INTS4: variants seen among roughly 807,000 people sequenced by gnomAD.
INTS4 encodes the protein MSTP093.
A neutral mutation model predicts 119.5 loss-of-function variants in INTS4; 70 were observed. The observed-to-expected ratio is 0.59, with a 90% CI of 0.48 to 0.71. The LOEUF (loss-of-function observed/expected upper bound fraction) is 0.71. Among genes scored for constraint, INTS4 ranks in the 30% least tolerant of loss-of-function variants. The pLI, the probability that INTS4 is intolerant of heterozygous loss-of-function variation, is 0.00. For missense variants in INTS4, 867 were observed against 1,173.2 expected, an observed-to-expected ratio of 0.74 and a Z score of 3.81; for synonymous variants, 316 against 419.6, an observed-to-expected ratio of 0.75 and a Z score of 3.02.
At chr11:77,910,669 A>G (rs1199503758) in intron 15 of INTS4, among the ~76,000 whole-genome samples, 1 of 152,166 alleles carries the variant, frequency 6.6e-6, no homozygotes, top group Non-Finnish European at 1.5e-5. Flanking sequence ...TATAGCTTTC[A>G]AAGGATATAC....
At chr11:77,891,074 T>C (rs1419288707) in intron 21 of INTS4, among the ~76,000 whole-genome samples, 1 of 152,170 alleles carries the variant, frequency 6.6e-6, no homozygotes, top group African/African-American at 2.4e-5. Context: ...TTAAATACAT[T>C]ATCTCTTTAT....
chr11:77,955,888 A>G, intron 8 of INTS4, 54 bp downstream of exon 8: 2 of 1,520,792 alleles, frequency 1.3e-6, no homozygotes, highest in Non-Finnish European at 8.9e-7. Context: ...ATTTCTACAG[A>G]AAAGAAAATA....
At chr11:77,921,731 C>T (rs996830254) in intron 13 of INTS4, among the ~76,000 whole-genome samples, 4 of 152,128 alleles carry the variant, frequency 2.6e-5, no homozygotes, top group Non-Finnish European at 5.9e-5. Context: ...AACTATATTG[C>T]CTATCAAAGT....
chr11:77,930,139 T>C (rs1953610993), intron 10 of INTS4, among the ~76,000 whole-genome samples: 1 of 152,244 alleles, frequency 6.6e-6, no homozygotes, highest in Non-Finnish European at 1.5e-5. Context: ...AAGACTTCTA[T>C]ACATGGTTGT....
chr11:77,964,534 A>AC (rs1855403128), intron 4 of INTS4, among the ~76,000 whole-genome samples: 8 of 152,046 alleles, frequency 5.3e-5, no homozygotes, highest in Admixed American at 5.2e-4. Flanking sequence ...AGATCGCGCC[A>AC]CTGCACTCCA....
intron 15 of INTS4, among the ~76,000 whole-genome samples, chr11:77,908,600 T>G (rs1160340654): frequency 6.6e-6 from 1 of 152,216 alleles, no homozygotes; most frequent in African/African-American, 2.4e-5. Context: ...GTGCTGGGAT[T>G]ACAGGCGTGA....
intron 1 of INTS4, among the ~76,000 whole-genome samples, chr11:77,991,570 T>C (rs1856688193): frequency 6.6e-6 from 1 of 152,040 alleles, no homozygotes; most frequent in Admixed American, 6.6e-5. Context: ...TTTTTTTTTC[T>C]TAGAGATGGA....
intron 15 of INTS4, among the ~76,000 whole-genome samples, chr11:77,909,022 G>C (rs775860563): frequency 3.3e-5 from 5 of 152,186 alleles, no homozygotes; most frequent in Non-Finnish European, 7.3e-5. Flanking sequence ...TATGTGACCT[G>C]AGTTGACCTT....
intron 21 of INTS4, among the ~76,000 whole-genome samples, chr11:77,885,729 G>A (rs761562657): frequency 5.3e-5 from 8 of 152,050 alleles, no homozygotes; most frequent in Non-Finnish European, 7.4e-5. Flanking sequence ...TGAAGCAGGA[G>A]AATCACTTGA....
chr11:77,943,665 G>A (rs991000773), intron 8 of INTS4, among the ~76,000 whole-genome samples: 2 of 152,292 alleles, frequency 1.3e-5, no homozygotes, highest in African/African-American at 4.8e-5. Flanking sequence ...CTCTCCAACT[G>A]TACTACTAGC....
intron 4 of INTS4, among the ~76,000 whole-genome samples, chr11:77,970,897 C>T (rs1351542916): frequency 4.6e-5 from 7 of 152,054 alleles, no homozygotes; most frequent in South Asian, 4.1e-4. Flanking sequence ...CTGCAACCTC[C>T]ACCTCCCAGG....
chr11:77,875,350 T>C (rs576222707), downstream of INTS4, among the ~76,000 whole-genome samples: 3 of 152,296 alleles, frequency 2.0e-5, no homozygotes, highest in African/African-American at 4.8e-5. Context: ...AAGTTGCAAA[T>C]TGGCACAAAT....
intron 10 of INTS4, among the ~76,000 whole-genome samples, chr11:77,933,832 G>A (rs1314219967): frequency 4.6e-5 from 7 of 151,152 alleles, no homozygotes; most frequent in Admixed American, 2.0e-4. Flanking sequence ...GCCTCTGCCC[G>A]GCCGCCCTGT....
intron 2 of INTS4, among the ~76,000 whole-genome samples, chr11:77,988,010 GCCAGTCTCATAAC>G (rs56012183): frequency 0.13 from 19,834 of 152,074 alleles, 1,633 homozygotes; most frequent in Non-Finnish European, 0.18. Context: ...ATAAAAATTA[GCCAGTCTCATAAC>G]CCAGTCTCTA....
intron 1 of INTS4, 42 bp from the exon 2 acceptor site, chr11:77,991,341 T>C (rs1171069537): frequency 4.7e-6 from 7 of 1,490,598 alleles, no homozygotes; most frequent in Non-Finnish European, 4.7e-6. Context: ...AATCTGCAAA[T>C]TTAACTTTGC....
intron 4 of INTS4, among the ~76,000 whole-genome samples, chr11:77,966,877 C>T (rs775180599): frequency 5.9e-5 from 9 of 152,016 alleles, no homozygotes; most frequent in South Asian, 4.1e-4. Flanking sequence ...GTAATATGGA[C>T]GTTTTAACAT....
At position 77,961,617 on chromosome 11, in the gene INTS4, T is replaced by C. The variant is rs893876388; in HGVS notation, c.472-479A>G. Among the ~76,000 whole-genome samples, 5 of 152,220 alleles carry C rather than the reference T, an allele frequency of 3.3e-5. No homozygotes were observed. In the South Asian group the frequency reaches 1.0e-3, roughly 32 times the overall value. Reference sequence around the variant, plus strand: ...GTATATAACCAACACTCCAGAAATATCCCTCATTCCTCCTCCCAGCAACAA... The same window carrying C: ...GTATATAACCAACACTCCAGAAATACCCCTCATTCCTCCTCCCAGCAACAA... On this transcript the variant is annotated intron_variant, in intron 4 of 22. Coordinates refer to ENST00000534064, the MANE Select transcript of INTS4 (RefSeq NM_033547.4).
At chr11:77,988,706 G>T (rs1856550418) in intron 2 of INTS4, among the ~76,000 whole-genome samples, 1 of 152,162 alleles carries the variant, frequency 6.6e-6, no homozygotes, top group African/African-American at 2.4e-5. Context: ...TCTTAAAATT[G>T]TCAAAAATAT....
chr11:77,960,895 TAAACTTAAAAAACAAAAATGAAC>T, intron 5 of INTS4, 35 bp downstream of exon 5: 1 of 1,477,784 alleles, frequency 6.8e-7, no homozygotes, highest in Non-Finnish European at 9.3e-7. Flanking sequence ...GCACTAGCTA[TAAACTTAAAAAACAAAAATGAAC>T]ACTAGCCCCA....
Sources: allele counts gnomAD v4.1 joint callset (sites outside exome capture counted in the v4.1 genomes callset), GRCh38; gene constraint gnomAD v4.1.1; transcripts MANE v1.5; gene names NCBI Gene and HGNC (gene_info 2026-07-23, HGNC 2026-07-21).